The following SDC1 variants were observed in gnomAD, a reference collection of about 807,000 sequenced individuals.
SDC1 encodes syndecan 1, also known as syndecan-1.
Under a neutral mutation model 29.7 loss-of-function variants are expected in SDC1, and 14 were observed. The observed-to-expected ratio is 0.47, with a 90% CI of 0.31 to 0.74. The LOEUF (loss-of-function observed/expected upper bound fraction) is 0.74. Ranked by LOEUF, SDC1 falls within the 30% of genes least tolerant of loss-of-function variation. The pLI, the probability that SDC1 is intolerant of heterozygous loss-of-function variation, is 0.05. For missense variants in SDC1, 406 were observed against 400.3 expected (o/e 1.01, Z -0.12); for synonymous variants, 204 against 175.5 (o/e 1.16, Z -1.29).
intron 1 of SDC1, chr2:20,208,104 G>A (rs1410277674): frequency 1.0e-6 from 1 of 985,284 alleles, no homozygotes; most frequent in Non-Finnish European, 1.2e-6. Flanking sequence ...TAGAACCATT[G>A]GATCCATGCT....
At chr2:20,217,999 G>A (rs1677686668) in intron 1 of SDC1, among the ~76,000 whole-genome samples, 1 of 152,104 alleles carries the variant, frequency 6.6e-6, no homozygotes, top group African/African-American at 2.4e-5. Flanking sequence ...CCATCCCACC[G>A]ATGACCCCTT....
Position 20,225,060 on chromosome 2 carries a change from G to T in SDC1, c.-193C>A. 1 of 603,466 alleles carries T rather than the reference G, an allele frequency of 1.7e-6. No homozygotes were observed. The highest frequency in any genetic ancestry group is 2.3e-6 in the Non-Finnish European group (1 of 433,494). 37.4% of individuals were successfully genotyped at this position (603,466 alleles called of 1,614,324 possible). A position where few individuals can be genotyped will look rare whatever the true frequency, so the allele number is the denominator to read the frequency against. ...TTCCTCTCCGCTCGGCTCGGATTCG[G>T]CCCGCACCTCTCCCGCCGAGCTCCG... On this transcript the variant is annotated 5_prime_UTR_variant, in exon 1 of 5. Transcript: ENST00000254351.
chr2:20,209,954 G>A (rs896900761), intron 1 of SDC1, among the ~76,000 whole-genome samples: 1 of 152,240 alleles, frequency 6.6e-6, no homozygotes, highest in Admixed American at 6.5e-5. Context: ...AGGCCACCAG[G>A]TCAGAAGGCC....
rs143531705 is a variant in SDC1, at chr2:20,207,583, T to C, written c.67-2159A>G. On this transcript the variant is annotated intron_variant, in intron 1 of 4. Coordinates refer to ENST00000254351, the MANE Select transcript of SDC1 (RefSeq NM_002997.5). ...AGCCAGGCATGGTGGTGCGGGCCTATAGTCCCAGCTACTTGGGAGGCTGAG... is the reference window on the plus strand; with the variant it reads ...AGCCAGGCATGGTGGTGCGGGCCTACAGTCCCAGCTACTTGGGAGGCTGAG... Among the ~76,000 whole-genome samples the C allele has an allele frequency of 3.3e-3, 508 of 152,322 alleles. 2 individuals are homozygous for C. Among genetic ancestry groups the C allele is most frequent in the African/African-American group, 0.012 (489 of 41,574 alleles).
chr2:20,212,635 T>A (rs907559921), intron 1 of SDC1, among the ~76,000 whole-genome samples: 1 of 152,130 alleles, frequency 6.6e-6, no homozygotes, highest in Non-Finnish European at 1.5e-5. Flanking sequence ...CAGCAATTTA[T>A]CAGCTCACTG....
chr2:20,220,588 G>A (rs567452422), intron 1 of SDC1, among the ~76,000 whole-genome samples: 1 of 152,292 alleles, frequency 6.6e-6, no homozygotes, highest in South Asian at 2.1e-4. Context: ...CTTTCCTCAG[G>A]CGGTTTCATC....
In SDC1 at chr2:20,202,169, G is replaced by A; in HGVS notation, c.*597C>T. On this transcript the variant is annotated 3_prime_UTR_variant, in exon 5 of 5. Coordinates refer to ENST00000254351, the MANE Select transcript of SDC1 (RefSeq NM_002997.5). ...CCATAGATTAGGGAAGCAAGATGGG[G>A]GGATACCGAATCAACTTACTTAACT... The A allele has an allele frequency of 1.5e-6, 1 of 670,694 alleles. No homozygotes were observed. The highest frequency in any genetic ancestry group is 1.7e-5 in the South Asian group (1 of 59,278). 41.5% of individuals were successfully genotyped at this position (670,694 alleles called of 1,614,324 possible).
intron 2 of SDC1, 51 bp from the exon 3 acceptor site, chr2:20,204,342 C>A: frequency 1.6e-6 from 2 of 1,223,860 alleles, no homozygotes; most frequent in Non-Finnish European, 2.3e-6. Flanking sequence ...TGGGGAGGAC[C>A]AGAAGCAGAG....
intron 1 of SDC1, among the ~76,000 whole-genome samples, chr2:20,208,863 G>A (rs1572464936): frequency 1.3e-5 from 2 of 152,204 alleles, no homozygotes; most frequent in African/African-American, 4.8e-5. Flanking sequence ...TTCATAGAAC[G>A]AATCAACAAC....
chr2:20,222,110 C>CACACACACACAG (rs557201293), intron 1 of SDC1, among the ~76,000 whole-genome samples: 17 of 151,092 alleles, frequency 1.1e-4, no homozygotes, highest in African/African-American at 4.2e-4. Flanking sequence ...CACACACACA[C>CACACACACACAG]AGAGAGAAAG....
At chr2:20,218,640 G>GAC (rs3044218) in intron 1 of SDC1, among the ~76,000 whole-genome samples, 9 of 148,162 alleles carry the variant, frequency 6.1e-5, no homozygotes, top group Non-Finnish European at 1.0e-4. Flanking sequence ...TAAACACACA[G>GAC]ACACACACAC....
chr2:20,208,301 A>C (rs1002174191), intron 1 of SDC1, among the ~76,000 whole-genome samples: 1 of 152,164 alleles, frequency 6.6e-6, no homozygotes, highest in Non-Finnish European at 1.5e-5. Flanking sequence ...GTCCCTAAAA[A>C]CAATTTGTTC....
chr2:20,204,115 C>T lies in SDC1; in HGVS notation c.325G>A (p.Glu109Lys). 6.2e-7 allele frequency: 1 copy of T among 1,606,678 alleles called. No homozygotes were observed. Among genetic ancestry groups the T allele is most frequent in the Non-Finnish European group, 8.5e-7 (1 of 1,179,806 alleles). The change falls in exon 3 of 5, where the codon GAA becomes AAA. Residue 109 changes from glutamate (E) to lysine (K), a missense_variant. Physicochemically the swap from Glu to Lys is moderately conservative, Grantham distance 56. Transcript: ENST00000254351. ...PKEGEAVVLP[E>K]VEPGLTAREQ... ...CGGGCGGTGAGGCCAGGCTCCACTT[C>T]TGGCAGGACTACAGCCTCTCCCTCC...
rs546582470 is a variant in SDC1, at chr2:20,217,760, G to T, written c.66+7042C>A. 1.1e-3 allele frequency among the ~76,000 whole-genome samples: 171 copies of T among 152,298 alleles called. 1 individual carries two copies. Among genetic ancestry groups the T allele is most frequent in the African/African-American group, 4.0e-3 (168 of 41,566 alleles). ...CCATGACTCAGCTGATGAGTGGACT[G>T]ATCAACATGCCCGCCTTCCCCACTG... On this transcript the variant is annotated intron_variant, in intron 1 of 4. Coordinates refer to ENST00000254351, the MANE Select transcript of SDC1 (RefSeq NM_002997.5).
intron 1 of SDC1, chr2:20,207,337 T>C: frequency 1.1e-6 from 1 of 887,092 alleles, no homozygotes; most frequent in South Asian, 5.2e-5. Flanking sequence ...GGGCAATTCA[T>C]AGCCCATCTA....
In SDC1 at chr2:20,223,217, G is replaced by C. The variant is rs545676031; in HGVS notation, c.66+1585C>G. ...GCACGAGTCACCTGGGAAGCAGGGAGGGCGCTTTACACATCGGTCTCAGAA... is the reference window on the plus strand; with the variant it reads ...GCACGAGTCACCTGGGAAGCAGGGACGGCGCTTTACACATCGGTCTCAGAA... On this transcript the variant is annotated intron_variant, in intron 1 of 4. Transcript: ENST00000254351. 3.9e-6 allele frequency: 5 copies of C among 1,297,424 alleles called. No individual in the cohort carries two copies. In the African/African-American group the frequency reaches 6.1e-5, roughly 16 times the overall value. 80.4% of individuals were successfully genotyped at this position (1,297,424 alleles called of 1,614,324 possible). A position where few individuals can be genotyped will look rare whatever the true frequency, so the allele number is the denominator to read the frequency against.
rs1050048439 is a variant in SDC1 at position 20,203,544 on chromosome 2, G to A, written c.627+269C>T. Among the ~76,000 whole-genome samples, 12 of 152,348 alleles carry A rather than the reference G, an allele frequency of 7.9e-5. No individual in the cohort carries two copies. In the East Asian group the frequency reaches 9.6e-4, roughly 12 times the overall value. ...AATAAAAAATTGGACTTGGTATAAC[G>A]TTCACTCTTGCAGCAGGGGCTGCAA... On this transcript the variant is annotated intron_variant, in intron 3 of 4. Coordinates refer to ENST00000254351, the MANE Select transcript of SDC1 (RefSeq NM_002997.5).
chr2:20,216,480 C>T (rs755927862), intron 1 of SDC1, among the ~76,000 whole-genome samples: 18 of 152,210 alleles, frequency 1.2e-4, no homozygotes, highest in Admixed American at 4.6e-4. Flanking sequence ...AAACGCCCCA[C>T]AACCTCGGGC....
intron 3 of SDC1, 23 bp downstream of exon 3, chr2:20,203,790 C>A: frequency 1.3e-6 from 2 of 1,519,256 alleles, no homozygotes; most frequent in Non-Finnish European, 1.8e-6. Flanking sequence ...CTCAATTTCC[C>A]AAGGAATGCA....
Sources: allele counts gnomAD v4.1 joint callset (sites outside exome capture counted in the v4.1 genomes callset), GRCh38; gene constraint gnomAD v4.1.1; transcripts MANE v1.5; gene names NCBI Gene and HGNC (gene_info 2026-07-23, HGNC 2026-07-21).